Variants in ARID1B observed in about 807,000 individuals in gnomAD.
ARID1B encodes AT-rich interactive domain-containing protein 1B.
ARID1B carries 30 observed loss-of-function variants against 212.3 expected under a neutral mutation model. That is an observed-to-expected ratio of 0.14 (90% CI 0.11 to 0.19). ARID1B has a LOEUF of 0.19. Among genes scored for constraint, ARID1B ranks in the 10% least tolerant of loss-of-function variants. The pLI, the probability that ARID1B is intolerant of heterozygous loss-of-function variation, is 1.00. For missense variants in ARID1B, 2,891 were observed against 3,204.0 expected, an observed-to-expected ratio of 0.90 and a Z score of 2.36; for synonymous variants, 1,402 against 1,301.7, an observed-to-expected ratio of 1.08 and a Z score of -1.66.
intron 2 of ARID1B, among the ~76,000 whole-genome samples, chr6:156,894,299 T>TGGGGGCCGGGGGGTGGGGGG (rs1326684088): frequency 2.7e-4 from 2 of 7,492 alleles, no homozygotes; most frequent in African/African-American, 5.3e-4. Flanking sequence ...GGGGTTGGGA[T>TGGGGGCCGGGGGGTGGGGGG]GGGGGCCGGG....
At chr6:157,191,667 C>T (rs529760547) in intron 15 of ARID1B, among the ~76,000 whole-genome samples, 4 of 152,298 alleles carry the variant, frequency 2.6e-5, no homozygotes, top group South Asian at 2.1e-4. Context: ...CCGTGGTCTA[C>T]AAGCCACAAG....
intron 4 of ARID1B, chr6:157,022,506 T>C (rs1780382463): frequency 6.6e-6 from 1 of 152,226 alleles, no homozygotes; most frequent in Non-Finnish European, 1.5e-5. Context: ...CTGGGTGGTC[T>C]CTTGGTCACT....
chr6:157,123,180 T>TCTCTG (rs1562636853), intron 6 of ARID1B, among the ~76,000 whole-genome samples: 36 of 146,488 alleles, frequency 2.5e-4, no homozygotes, highest in Non-Finnish European at 3.6e-4. Context: ...TTTGAGATCT[T>TCTCTG]TCTCTGTCTC....
At chr6:156,876,605 T>C (rs773769030) in intron 2 of ARID1B, among the ~76,000 whole-genome samples, 3 of 152,198 alleles carry the variant, frequency 2.0e-5, no homozygotes. Flanking sequence ...TGGGAAGTTA[T>C]TATCCTTGGT....
At position 157,189,415 on chromosome 6, in the gene ARID1B, G is replaced by T. The variant is rs566011586; in HGVS notation, c.3920-227G>T. Among the ~76,000 whole-genome samples, 3 of 152,286 alleles carry T rather than the reference G, an allele frequency of 2.0e-5. No individual in the cohort carries two copies. In the East Asian group the frequency reaches 5.8e-4, roughly 29 times the overall value. ...GTTTTATGGCTCACAAATGAAATAT[G>T]TTGCCAAATAGTTTACTCAAAAACT... On this transcript the variant is annotated intron_variant, in intron 13 of 19. Transcript: ENST00000636930.
chr6:157,024,287 A>G (rs1167965465), intron 4 of ARID1B: 3 of 152,240 alleles, frequency 2.0e-5, no homozygotes, highest in South Asian at 4.1e-4. Context: ...ACATAACATA[A>G]ATGAATCTTA....
chr6:157,186,940 C>T lies in ARID1B; in HGVS notation c.3919+2505C>T, dbSNP rs112760798. Among the ~76,000 whole-genome samples, 1,036 of 152,298 alleles carry T rather than the reference C, an allele frequency of 6.8e-3. 10 individuals carry two copies. The highest frequency in any genetic ancestry group is 0.024 in the African/African-American group (989 of 41,548). ...TTCAATTCTGTCAGCCTCTGGGAGG[C>T]ATAAGCCCCTTGGCCCCTGGGGCTG... On this transcript the variant is annotated intron_variant, in intron 13 of 19. Transcript: ENST00000636930.
At chr6:156,834,692 C>G (rs572356719) in intron 2 of ARID1B, among the ~76,000 whole-genome samples, 1 of 152,120 alleles carries the variant, frequency 6.6e-6, no homozygotes, top group Non-Finnish European at 1.5e-5. Flanking sequence ...GACTTGGAGC[C>G]GAGCTGATTT....
chr6:157,123,247 CCACA>C lies in ARID1B; in HGVS notation c.2582-9772_2582-9769del, dbSNP rs796444034. Among the ~76,000 whole-genome samples, 719 of 111,800 alleles carry C rather than the reference CCACA, an allele frequency of 6.4e-3. 6 individuals carry two copies. The highest frequency in any genetic ancestry group is 0.052 in the East Asian group (150 of 2,898). The allele number at this position is 111,800 out of a possible 152,430, so 73.3% of individuals were successfully genotyped here. A position where few individuals can be genotyped will look rare whatever the true frequency, so the allele number is the denominator to read the frequency against. ...CTCCCCCCCGCCCCCCGCCCCCCCC[CCACA>C]CACACACAAGCAAACTCTGGGGAAT... On this transcript the variant is annotated intron_variant, in intron 6 of 19. Coordinates refer to ENST00000636930, the MANE Select transcript of ARID1B (RefSeq NM_001374828.1).
intron 2 of ARID1B, among the ~76,000 whole-genome samples, chr6:156,862,969 C>CA (rs1442988951): frequency 6.6e-6 from 1 of 152,208 alleles, no homozygotes; most frequent in Non-Finnish European, 1.5e-5. Flanking sequence ...AGGGTGGCGT[C>CA]AGTGCCTTGA....
At chr6:157,187,635 T>C (rs1426844010) in intron 13 of ARID1B, among the ~76,000 whole-genome samples, 1 of 152,204 alleles carries the variant, frequency 6.6e-6, no homozygotes, top group Non-Finnish European at 1.5e-5. Context: ...CTTTCCATTG[T>C]TTACTTTAGA....
intron 2 of ARID1B, chr6:156,871,605 T>C (rs751945493): frequency 6.2e-7 from 1 of 1,611,396 alleles, no homozygotes; most frequent in East Asian, 2.2e-5. Flanking sequence ...TGTTTTATCC[T>C]ACTTTTAGGA....
intron 4 of ARID1B, chr6:156,939,489 TTTA>T (rs1223008894): frequency 6.6e-6 from 1 of 152,196 alleles, no homozygotes; most frequent in East Asian, 1.9e-4. Flanking sequence ...TTTCATGGTA[TTTA>T]TTATGTCCTA....
chr6:156,857,966 A>G (rs1356699764), intron 2 of ARID1B, among the ~76,000 whole-genome samples: 1 of 152,262 alleles, frequency 6.6e-6, no homozygotes, highest in Non-Finnish European at 1.5e-5. Flanking sequence ...TACAGTAAAA[A>G]TACAACTTAG....
At chr6:156,846,271 C>T (rs1317856496) in intron 2 of ARID1B, among the ~76,000 whole-genome samples, 1 of 152,106 alleles carries the variant, frequency 6.6e-6, no homozygotes, top group Non-Finnish European at 1.5e-5. Context: ...TCTTCTGCCT[C>T]AGCCTCCTGA....
intron 4 of ARID1B, among the ~76,000 whole-genome samples, chr6:157,080,122 C>T (rs1321879188): frequency 2.6e-5 from 4 of 152,160 alleles, no homozygotes; most frequent in African/African-American, 7.2e-5. Flanking sequence ...CTCATGCTCT[C>T]CTGGGGCACT....
chr6:156,841,717 CTTGTTTTATA>C (rs1407332071), intron 2 of ARID1B, among the ~76,000 whole-genome samples: 1 of 151,846 alleles, frequency 6.6e-6, no homozygotes, highest in African/African-American at 2.4e-5. Context: ...ACTTGTTTTG[CTTGTTTTATA>C]TGGATTAACT....
chr6:156,799,898 C>T (rs1780660230), intron 1 of ARID1B, among the ~76,000 whole-genome samples: 1 of 152,166 alleles, frequency 6.6e-6, no homozygotes, highest in African/African-American at 2.4e-5. Context: ...AGAAGCTGCG[C>T]AGTAATAAGA....
intron 15 of ARID1B, 92 bp from the exon 16 acceptor site, chr6:157,196,073 G>A (rs529318833): frequency 1.3e-6 from 2 of 1,512,400 alleles, no homozygotes; most frequent in African/African-American, 1.4e-5. Context: ...AAAAGAAAAA[G>A]TCCAAAGACA....
Sources: gnomAD v4.1 joint callset for allele counts (sites outside exome capture counted in the v4.1 genomes callset) on GRCh38, gnomAD v4.1.1 for gene constraint, MANE v1.5 for transcripts, NCBI Gene and HGNC (gene_info 2026-07-23, HGNC 2026-07-21) for gene names.